NFATC3: variants seen among roughly 807,000 people sequenced by gnomAD.
NFATC3 encodes the protein nuclear factor of activated T-cells, cytoplasmic 3.
NFATC3 carries 46 observed loss-of-function variants against 98.6 expected under a neutral mutation model. The ratio of observed to expected loss-of-function variants is 0.47; its 90% CI spans 0.37 to 0.60. NFATC3 has a LOEUF of 0.60. Among genes scored for constraint, NFATC3 ranks in the 20% least tolerant of loss-of-function variants. The probability of loss-of-function intolerance (pLI) is 0.00; values close to 1 mark genes in which losing one functional copy is unlikely to be tolerated. For synonymous variants in NFATC3, 512 were observed against 472.2 expected (o/e 1.08, Z -1.09); for missense variants, 1,256 against 1,295.5 (o/e 0.97, Z 0.47).
chr16:68,144,254 G>A (rs1439817682), intron 3 of NFATC3, among the ~76,000 whole-genome samples: 1 of 152,082 alleles, frequency 6.6e-6, no homozygotes, highest in East Asian at 1.9e-4. Context: ...ATACCTATTA[G>A]AACAGCTAAA....
intron 9 of NFATC3, among the ~76,000 whole-genome samples, chr16:68,196,396 C>T (rs1036205241): frequency 1.3e-5 from 2 of 152,172 alleles, no homozygotes; most frequent in South Asian, 4.1e-4. Flanking sequence ...GCTGGGATTA[C>T]AGGCATGAGC....
At chr16:68,104,298 T>C (rs549307690) in intron 1 of NFATC3, among the ~76,000 whole-genome samples, 1 of 152,330 alleles carries the variant, frequency 6.6e-6, no homozygotes, top group African/African-American at 2.4e-5. Flanking sequence ...TTACTGTAAA[T>C]AGAATTTTCT....
intron 4 of NFATC3, among the ~76,000 whole-genome samples, chr16:68,163,077 T>C (rs2038974421): frequency 6.6e-6 from 1 of 152,122 alleles, no homozygotes; most frequent in Non-Finnish European, 1.5e-5. Context: ...AGGTCACAGA[T>C]CAACAGAATG....
At chr16:68,168,402 A>C (rs1342652499) in intron 5 of NFATC3, among the ~76,000 whole-genome samples, 1 of 149,786 alleles carries the variant, frequency 6.7e-6, no homozygotes, top group Non-Finnish European at 1.5e-5. Flanking sequence ...ACTTGAAGTG[A>C]TCTGCCCACC....
At chr16:68,138,383 G>A in intron 3 of NFATC3, 1 of 643,112 alleles carries the variant, frequency 1.6e-6, no homozygotes, top group African/African-American at 1.9e-5. Context: ...TATAGTTCAA[G>A]CTCTCCTTCC....
At chr16:68,218,217 C>T (rs1455240298) in intron 9 of NFATC3, 1 of 168,186 alleles carries the variant, frequency 5.9e-6, no homozygotes. Flanking sequence ...CATGACCCAC[C>T]ACACCTGGCC....
At chr16:68,223,974 C>T (rs1053156385) in intron 9 of NFATC3, among the ~76,000 whole-genome samples, 21 of 148,348 alleles carry the variant, frequency 1.4e-4, no homozygotes, top group African/African-American at 3.7e-4. Context: ...TGGCCAGGCG[C>T]GGGGGCTCAT....
chr16:68,102,006 T>G (rs909608976), intron 1 of NFATC3, among the ~76,000 whole-genome samples: 1 of 152,134 alleles, frequency 6.6e-6, no homozygotes. Flanking sequence ...TCTTTGCAAC[T>G]CATTTTGGTG....
At chr16:68,155,558 A>G (rs1435730794) in intron 3 of NFATC3, among the ~76,000 whole-genome samples, 1 of 152,152 alleles carries the variant, frequency 6.6e-6, no homozygotes, top group African/African-American at 2.4e-5. Context: ...AGGACCGGAG[A>G]CTTGGTTATG....
intron 1 of NFATC3, among the ~76,000 whole-genome samples, chr16:68,113,002 G>T (rs1037088040): frequency 6.6e-6 from 1 of 152,100 alleles, no homozygotes; most frequent in Non-Finnish European, 1.5e-5. Context: ...TTTTATCATG[G>T]TTTTTCGCTT....
At chr16:68,127,314 A>C (rs529812553) in intron 3 of NFATC3, among the ~76,000 whole-genome samples, 1 of 152,338 alleles carries the variant, frequency 6.6e-6, no homozygotes, top group South Asian at 2.1e-4. Context: ...TTAACATTTG[A>C]TTAACATTCC....
intron 6 of NFATC3, among the ~76,000 whole-genome samples, chr16:68,177,032 C>CTTTTTTTTTTTTTTTTTTTTTTTT (rs548092276): frequency 7.5e-6 from 1 of 133,112 alleles, no homozygotes; most frequent in African/African-American, 2.8e-5. Flanking sequence ...CTTTTCTTTT[C>CTTTTTTTTTTTTTTTTTTTTTTTT]TTTTTTTTTT....
At chr16:68,161,159 T>G (rs1252495006) in intron 4 of NFATC3, among the ~76,000 whole-genome samples, 1 of 152,260 alleles carries the variant, frequency 6.6e-6, no homozygotes, top group Non-Finnish European at 1.5e-5. Context: ...ACAAGTAGGC[T>G]TCTTCCCTTT....
At chr16:68,193,327 G>A (rs554112821) in intron 9 of NFATC3, among the ~76,000 whole-genome samples, 84 of 152,056 alleles carry the variant, frequency 5.5e-4, no homozygotes, top group Non-Finnish European at 9.0e-4. Context: ...ATTGATTTTA[G>A]GACCGCCTGT....
chr16:68,214,256 TG>T, intron 9 of NFATC3: 2 of 1,113,974 alleles, frequency 1.8e-6, no homozygotes, highest in Non-Finnish European at 2.7e-6. Flanking sequence ...AAAAACAGGC[TG>T]GGCACTGTAG....
chr16:68,194,587 T>C (rs1304145934), intron 9 of NFATC3, among the ~76,000 whole-genome samples: 6 of 152,240 alleles, frequency 3.9e-5, no homozygotes, highest in African/African-American at 1.4e-4. Context: ...ACTCTTCACA[T>C]TGCTTTTTAC....
intron 6 of NFATC3, among the ~76,000 whole-genome samples, chr16:68,178,242 C>T (rs750541940): frequency 3.9e-4 from 59 of 152,110 alleles, no homozygotes; most frequent in Admixed American, 9.2e-4. Flanking sequence ...AATATGAAAA[C>T]ATATCTGACT....
chr16:68,133,814 C>T (rs1414065525), intron 3 of NFATC3, among the ~76,000 whole-genome samples: 1 of 150,188 alleles, frequency 6.7e-6, no homozygotes, highest in African/African-American at 2.5e-5. Context: ...TATCTGTTAT[C>T]TTTTCATGGA....
intron 7 of NFATC3, among the ~76,000 whole-genome samples, chr16:68,183,032 G>A (rs2040013298): frequency 1.3e-5 from 2 of 152,108 alleles, no homozygotes; most frequent in South Asian, 2.1e-4. Context: ...TGAGTAAAAA[G>A]CAATTTCTCT....
Sources: gnomAD v4.1 joint callset for allele counts (sites outside exome capture counted in the v4.1 genomes callset) on GRCh38, gnomAD v4.1.1 for gene constraint, MANE v1.5 for transcripts, NCBI Gene and HGNC (gene_info 2026-07-23, HGNC 2026-07-21) for gene names.